The following KLHL14 variants were observed in gnomAD, a reference collection of about 807,000 sequenced individuals.
KLHL14 encodes the protein kelch like family member 14, also known as kelch-like protein 14.
Under a neutral mutation model 64.3 loss-of-function variants are expected in KLHL14, and 22 were observed. The ratio of observed to expected loss-of-function variants is 0.34; its 90% CI spans 0.24 to 0.49. The LOEUF is 0.49. KLHL14 is among the 20% of genes least tolerant of loss of function. The probability of loss-of-function intolerance (pLI) is 0.99; values close to 1 mark genes in which losing one functional copy is unlikely to be tolerated. For missense variants in KLHL14, 661 were observed against 789.0 expected (o/e 0.84, Z 1.94); for synonymous variants, 322 against 333.4 (o/e 0.97, Z 0.37).
At chr18:32,718,234 C>G (rs375202154) in intron 3 of KLHL14, among the ~76,000 whole-genome samples, 257 of 152,288 alleles carry the variant, frequency 1.7e-3, no homozygotes, top group African/African-American at 6.0e-3. Flanking sequence ...GAATAGTATC[C>G]AAATGCTTTT....
At chr18:32,705,507 G>A (rs891651384) in intron 3 of KLHL14, among the ~76,000 whole-genome samples, 1 of 152,196 alleles carries the variant, frequency 6.6e-6, no homozygotes, top group East Asian at 1.9e-4. Context: ...TGGATCACTT[G>A]AGGCCACGAG....
intron 3 of KLHL14, among the ~76,000 whole-genome samples, chr18:32,736,412 T>C (rs1431960127): frequency 6.6e-6 from 1 of 152,128 alleles, no homozygotes; most frequent in Non-Finnish European, 1.5e-5. Context: ...CTCTCCTTCT[T>C]TGTCCAAAGC....
intron 4 of KLHL14, among the ~76,000 whole-genome samples, chr18:32,691,369 C>T (rs913428451): frequency 6.6e-6 from 1 of 152,096 alleles, no homozygotes; most frequent in African/African-American, 2.4e-5. Context: ...AAAATGGTTT[C>T]CAGAGGCAGG....
intron 3 of KLHL14, among the ~76,000 whole-genome samples, chr18:32,726,965 T>G (rs544387927): frequency 2.0e-5 from 3 of 152,318 alleles, no homozygotes; most frequent in African/African-American, 7.2e-5. Context: ...ACTTCCGTTA[T>G]CCACAGTCAC....
chr18:32,751,379 T>A (rs2050250755), intron 2 of KLHL14, among the ~76,000 whole-genome samples: 1 of 152,180 alleles, frequency 6.6e-6, no homozygotes, highest in Non-Finnish European at 1.5e-5. Context: ...GACCTGATAA[T>A]GCCTCTGGGA....
At chr18:32,771,609 G>A (rs2050385553) in intron 1 of KLHL14, among the ~76,000 whole-genome samples, 1 of 152,106 alleles carries the variant, frequency 6.6e-6, no homozygotes, top group Non-Finnish European at 1.5e-5. Context: ...CGGCACCGAG[G>A]ACTCAGGGGG....
intron 3 of KLHL14, among the ~76,000 whole-genome samples, chr18:32,701,889 C>T (rs1483863265): frequency 6.6e-6 from 1 of 152,124 alleles, no homozygotes; most frequent in Non-Finnish European, 1.5e-5. Flanking sequence ...GTTGATTCTT[C>T]TAAGTGAAAT....
rs542820958 is a variant in KLHL14, at chr18:32,674,495, A to G, written c.*162T>C. On this transcript the variant is annotated 3_prime_UTR_variant, in exon 9 of 9. Transcript: ENST00000359358. ...TGAGTTATAGACATAGTATCTGTTCAAGAACAGGTCTCTTTCTTTTGTAGT... is the reference window on the plus strand; with the variant it reads ...TGAGTTATAGACATAGTATCTGTTCGAGAACAGGTCTCTTTCTTTTGTAGT... 43 of 618,852 alleles carry G rather than the reference A, an allele frequency of 6.9e-5. No individual in the cohort carries two copies. The highest frequency in any genetic ancestry group is 4.5e-4 in the Middle Eastern group (1 of 2,226). 38.3% of individuals were successfully genotyped at this position (618,852 alleles called of 1,614,324 possible).
chr18:32,730,366 T>TAAAAC (rs2050131472), intron 3 of KLHL14, among the ~76,000 whole-genome samples: 1 of 152,132 alleles, frequency 6.6e-6, no homozygotes, highest in African/African-American at 2.4e-5. Flanking sequence ...ATACCAAAAA[T>TAAAAC]AAAACTAAAA....
At position 32,770,460 on chromosome 18, in the gene KLHL14, G is replaced by T; in HGVS notation, c.132C>A (p.Phe44Leu). 6.2e-7 allele frequency: 1 copy of T among 1,612,644 alleles called. No homozygotes were observed. The change falls in exon 2 of 9, where the codon TTC becomes TTA. Residue 44 changes from phenylalanine to leucine, a missense_variant. This residue lies in a region of KLHL14 where 331 missense variants were observed against 339.0 expected (regional missense o/e 0.98). Coordinates refer to ENST00000359358, the MANE Select transcript of KLHL14 (RefSeq NM_020805.3). The surrounding 1 kb of genome is among the most constrained non-coding windows in gnomAD (Gnocchi z 6.7). ...DVTLTAQGQQ[F>L]HCHKAVLASC... ...AGGCCAGCACGGCCTTGTGGCAATGGAACTGCTGGCCCTGGGCCGTCAGGG... is the reference window on the plus strand; with the variant it reads ...AGGCCAGCACGGCCTTGTGGCAATGTAACTGCTGGCCCTGGGCCGTCAGGG...
chr18:32,716,804 GT>G (rs1210231861), intron 3 of KLHL14, among the ~76,000 whole-genome samples: 2 of 152,142 alleles, frequency 1.3e-5, no homozygotes, highest in East Asian at 3.9e-4. Flanking sequence ...CCTTTTCATT[GT>G]TTTATACCTA....
chr18:32,718,217 G>A (rs1380390854), intron 3 of KLHL14, among the ~76,000 whole-genome samples: 1 of 152,154 alleles, frequency 6.6e-6, no homozygotes, highest in African/African-American at 2.4e-5. Context: ...AGTCCCCACT[G>A]ACTATAGAAT....
At chr18:32,733,891 G>C (rs558817152) in intron 3 of KLHL14, 1 of 425,848 alleles carries the variant, frequency 2.3e-6, no homozygotes, top group East Asian at 3.8e-5. Context: ...CGTGTTTACT[G>C]GGGTGATCCT....
intron 3 of KLHL14, among the ~76,000 whole-genome samples, chr18:32,734,872 A>G (rs1356004290): frequency 6.7e-6 from 1 of 150,172 alleles, no homozygotes; most frequent in Non-Finnish European, 1.5e-5. Context: ...ATCTGTCTCT[A>G]AAGATGTTAC....
chr18:32,731,242 A>G (rs2050135662), intron 3 of KLHL14, among the ~76,000 whole-genome samples: 1 of 152,226 alleles, frequency 6.6e-6, no homozygotes, highest in Non-Finnish European at 1.5e-5. Flanking sequence ...ACTTATTTGT[A>G]CTTTGCCTTC....
At chr18:32,702,300 A>G (rs2049969822) in intron 3 of KLHL14, among the ~76,000 whole-genome samples, 1 of 151,544 alleles carries the variant, frequency 6.6e-6, no homozygotes, top group Non-Finnish European at 1.5e-5. Context: ...TCCCTTTAAT[A>G]ATATTGAATA....
rs1262321634 is a variant in KLHL14 at position 32,769,865 on chromosome 18, C to T, written c.727G>A (p.Val243Met). 4.3e-6 allele frequency: 7 copies of T among 1,613,874 alleles called. No homozygotes were observed. Among genetic ancestry groups the T allele is most frequent in the East Asian group, 2.2e-5 (1 of 44,884 alleles). ...ESELALFQMS[V>M]LWLEHDRETR... Reference sequence around the variant, plus strand: ...TCGCGGTCGTGCTCCAGCCACAGCACGGACATCTGGAAGAGCGCCAGCTCC... The same window carrying T: ...TCGCGGTCGTGCTCCAGCCACAGCATGGACATCTGGAAGAGCGCCAGCTCC... Residue 243 changes from valine to methionine, a missense_variant, in exon 2 of 9, where the codon GTG becomes ATG. Around this residue, in one of 2 missense-constraint regions of KLHL14, gnomAD observed 331 missense variants for 339.0 expected, o/e 0.98. Coordinates refer to ENST00000359358, the MANE Select transcript of KLHL14 (RefSeq NM_020805.3).
chr18:32,709,383 C>A (rs1370977793), intron 3 of KLHL14, among the ~76,000 whole-genome samples: 1 of 152,124 alleles, frequency 6.6e-6, no homozygotes, highest in Non-Finnish European at 1.5e-5. Context: ...TTTAGAAAGC[C>A]CTTCCCTATC....
rs543321582 is a variant in KLHL14, at chr18:32,729,090, G to A, written c.1069+12838C>T. 2.0e-5 allele frequency among the ~76,000 whole-genome samples: 3 copies of A among 152,308 alleles called. No individual in the cohort carries two copies. The South Asian group carries it at 6.2e-4, about 32-fold the overall frequency. ...ACAGGTAACCTAAATTAAAAAGTTG[G>A]GGTTTGTGGAAGGAGAAAATGAGAA... On this transcript the variant is annotated intron_variant, in intron 3 of 8. Transcript: ENST00000359358.
Sources: gnomAD v4.1 joint callset for allele counts (sites outside exome capture counted in the v4.1 genomes callset) on GRCh38, gnomAD v4.1.1 for gene constraint, gnomAD v4.1.1 regional missense constraint, Gnocchi (gnomAD v3.1) non-coding constraint, MANE v1.5 for transcripts, NCBI Gene and HGNC (gene_info 2026-07-23, HGNC 2026-07-21) for gene names.